Variants in MNAT1 observed in about 807,000 individuals in gnomAD.
The protein encoded by MNAT1 is CDK-activating kinase assembly factor MAT1.
In MNAT1, 43 loss-of-function variants were observed where a neutral mutation model predicts 42.0. That is an observed-to-expected ratio of 1.02 (90% CI 0.80 to 1.32). The LOEUF is 1.32. MNAT1 is among the 40% of genes most tolerant of loss of function. The pLI is 0.00. For synonymous variants in MNAT1, 118 were observed against 120.0 expected (o/e 0.98, Z 0.11); for missense variants, 306 against 350.4 (o/e 0.87, Z 1.01).
intron 1 of MNAT1, among the ~76,000 whole-genome samples, chr14:60,771,996 T>C (rs1004039248): frequency 6.6e-6 from 1 of 152,246 alleles, no homozygotes; most frequent in Non-Finnish European, 1.5e-5. Context: ...ATTTTATGCT[T>C]GCTTTCAGTT....
At chr14:60,884,409 A>G (rs1488376510) in intron 7 of MNAT1, among the ~76,000 whole-genome samples, 2 of 152,062 alleles carry the variant, frequency 1.3e-5, no homozygotes, top group East Asian at 3.8e-4. Context: ...CCTGGGATAA[A>G]TCACATGTGG....
At chr14:60,927,471 A>G (rs963533635) in intron 7 of MNAT1, among the ~76,000 whole-genome samples, 3 of 152,196 alleles carry the variant, frequency 2.0e-5, no homozygotes, top group Admixed American at 6.5e-5. Flanking sequence ...GGCCAACTTC[A>G]TGTATGTGTA....
chr14:60,900,226 T>C (rs937433135), intron 7 of MNAT1, among the ~76,000 whole-genome samples: 6 of 152,146 alleles, frequency 3.9e-5, no homozygotes, highest in African/African-American at 1.4e-4. Context: ...GTGATTAAGC[T>C]TAGTGAGCAA....
At chr14:60,856,807 A>C (rs1404265107) in intron 6 of MNAT1, among the ~76,000 whole-genome samples, 1 of 151,502 alleles carries the variant, frequency 6.6e-6, no homozygotes, top group African/African-American at 2.4e-5. Context: ...CAGCCTCCTG[A>C]GTAGCTGGGA....
intron 1 of MNAT1, among the ~76,000 whole-genome samples, chr14:60,783,850 G>T (rs2031548231): frequency 6.6e-6 from 1 of 151,910 alleles, no homozygotes; most frequent in Non-Finnish European, 1.5e-5. Context: ...TATTTTTTGA[G>T]ATAGGGTCTT....
intron 7 of MNAT1, among the ~76,000 whole-genome samples, chr14:60,961,119 TGTCCAGCTGATTTTGTATTTTTA>T (rs1337388458): frequency 6.6e-6 from 1 of 152,148 alleles, no homozygotes; most frequent in Admixed American, 6.5e-5. Flanking sequence ...TGCGCCTCTG[TGTCCAGCTGATTTTGTATTTTTA>T]GTAGAGATGG....
At chr14:60,967,006 A>C (rs2036694314) in intron 7 of MNAT1, among the ~76,000 whole-genome samples, 1 of 152,130 alleles carries the variant, frequency 6.6e-6, no homozygotes, top group African/African-American at 2.4e-5. Flanking sequence ...TTTGTTCAAT[A>C]AATATTCTCT....
chr14:60,777,656 CATATTGGGAAAAGATTATAATAA>C (rs1248227745), intron 1 of MNAT1, among the ~76,000 whole-genome samples: 2 of 151,974 alleles, frequency 1.3e-5, no homozygotes, highest in Admixed American at 1.3e-4. Flanking sequence ...TTCCATAATA[CATATTGGGAAAAGATTATAATAA>C]ATATTGGGAA....
chr14:60,902,324 T>A (rs2035087804), intron 7 of MNAT1, among the ~76,000 whole-genome samples: 1 of 152,200 alleles, frequency 6.6e-6, no homozygotes, highest in African/African-American at 2.4e-5. Flanking sequence ...TGGTCCTATT[T>A]ATACCCAAGG....
intron 7 of MNAT1, among the ~76,000 whole-genome samples, chr14:60,897,178 A>G (rs923113254): frequency 9.8e-5 from 15 of 152,292 alleles, no homozygotes; most frequent in Admixed American, 6.5e-4. Flanking sequence ...TAAAAATTAC[A>G]GAGTATTTAA....
chr14:60,818,028 T>G (rs2032767587), intron 5 of MNAT1, among the ~76,000 whole-genome samples: 1 of 151,960 alleles, frequency 6.6e-6, no homozygotes, highest in Admixed American at 6.6e-5. Context: ...ATCATTTAGT[T>G]TAGACCTTAA....
At chr14:60,738,080 CAAAAA>C (rs35298974) in intron 1 of MNAT1, among the ~76,000 whole-genome samples, 1 of 115,700 alleles carries the variant, frequency 8.6e-6, no homozygotes. Context: ...CCCTATCTTA[CAAAAA>C]AAAAAAAAAA....
intron 7 of MNAT1, among the ~76,000 whole-genome samples, chr14:60,951,695 G>A (rs566709813): frequency 1.3e-5 from 2 of 152,058 alleles, no homozygotes; most frequent in South Asian, 4.2e-4. Flanking sequence ...TATTATCTAT[G>A]ATTGTGGATG....
chr14:60,927,101 A>G (rs1275166536), intron 7 of MNAT1, among the ~76,000 whole-genome samples: 2 of 152,196 alleles, frequency 1.3e-5, no homozygotes, highest in Non-Finnish European at 2.9e-5. Context: ...TATTATTTCA[A>G]AGTTAATTTA....
intron 1 of MNAT1, among the ~76,000 whole-genome samples, chr14:60,774,529 C>T (rs4151178): frequency 0.58 from 88,879 of 151,958 alleles, 28,214 homozygotes; most frequent in Non-Finnish European, 0.7. Context: ...TTTAAAGATA[C>T]GATTTTGGCT....
chr14:60,961,605 A>C (rs748792902), intron 7 of MNAT1, among the ~76,000 whole-genome samples: 1 of 152,056 alleles, frequency 6.6e-6, no homozygotes, highest in African/African-American at 2.4e-5. Context: ...ATCAAGCCCT[A>C]CTTTCTCATT....
At chr14:60,855,815 A>G (rs528083687) in intron 6 of MNAT1, among the ~76,000 whole-genome samples, 6 of 152,254 alleles carry the variant, frequency 3.9e-5, no homozygotes, top group East Asian at 3.9e-4. Flanking sequence ...AATATGATCA[A>G]TGATCTTTGA....
chr14:60,923,557 ATAAT>A (rs2035705326), intron 7 of MNAT1, among the ~76,000 whole-genome samples: 1 of 152,226 alleles, frequency 6.6e-6, no homozygotes, highest in Middle Eastern at 3.2e-3. Context: ...ATTTCATAAC[ATAAT>A]TTATTTAACC....
At chr14:60,789,232 A>T (rs1420963673) in intron 1 of MNAT1, among the ~76,000 whole-genome samples, 1 of 152,160 alleles carries the variant, frequency 6.6e-6, no homozygotes, top group Non-Finnish European at 1.5e-5. Context: ...TTGGTGAAGC[A>T]GTTGGAGTAC....
Sources: gnomAD v4.1 joint callset for allele counts (sites outside exome capture counted in the v4.1 genomes callset) on GRCh38, gnomAD v4.1.1 for gene constraint, MANE v1.5 for transcripts, NCBI Gene and HGNC (gene_info 2026-07-23, HGNC 2026-07-21) for gene names.